Variants in SMURF1 observed in about 807,000 individuals in gnomAD.
SMURF1 encodes the protein E3 ubiquitin-protein ligase SMURF1.
A neutral mutation model predicts 98.0 loss-of-function variants in SMURF1; 44 were observed. That is an observed-to-expected ratio of 0.45 (90% CI 0.35 to 0.58). SMURF1 has a LOEUF of 0.58. SMURF1 is among the 20% of genes least tolerant of loss of function. The pLI is 0.00. For synonymous variants in SMURF1, 396 were observed against 374.9 expected, an observed-to-expected ratio of 1.06 and a Z score of -0.65; for missense variants, 687 against 938.4, an observed-to-expected ratio of 0.73 and a Z score of 3.50.
At chr7:99,109,870 T>C (rs1797282116) in intron 1 of SMURF1, among the ~76,000 whole-genome samples, 1 of 152,218 alleles carries the variant, frequency 6.6e-6, no homozygotes, top group African/African-American at 2.4e-5. Context: ...AATATCTCGC[T>C]TCATGGACAA....
chr7:99,108,164 G>C (rs1472246262), intron 1 of SMURF1, among the ~76,000 whole-genome samples: 1 of 152,116 alleles, frequency 6.6e-6, no homozygotes, highest in Non-Finnish European at 1.5e-5. Context: ...TTGCTGTGCA[G>C]AGCCTTAACA....
intron 1 of SMURF1, among the ~76,000 whole-genome samples, chr7:99,095,751 G>C: frequency 6.6e-6 from 1 of 152,212 alleles, no homozygotes; most frequent in East Asian, 1.9e-4. Context: ...GGGGGCCTGG[G>C]GGAGATGAGA....
intron 1 of SMURF1, among the ~76,000 whole-genome samples, chr7:99,068,858 T>A (rs1159832267): frequency 8.0e-6 from 1 of 125,168 alleles, no homozygotes. Context: ...AGACAATCCC[T>A]CTCTCCTTGC....
Position 99,042,581 on chromosome 7 carries a change from G to A in SMURF1, c.1257-349C>T, listed in dbSNP as rs60177733. ...TGAGCCACCACGCTCAGCCTAAGTT[G>A]TTATTTTCTGAATTTCTTTAATGTT... is the stretch of plus-strand genomic sequence containing the variant. On this transcript the variant is annotated intron_variant, in intron 11 of 17. Transcript: ENST00000361368. Among the ~76,000 whole-genome samples, 397 of 152,238 alleles carry A rather than the reference G, an allele frequency of 2.6e-3. 1 individual carries two copies. Among genetic ancestry groups the A allele is most frequent in the African/African-American group, 8.8e-3 (365 of 41,530 alleles).
intron 5 of SMURF1, among the ~76,000 whole-genome samples, chr7:99,055,560 C>T (rs1382524038): frequency 6.6e-6 from 1 of 152,054 alleles, no homozygotes; most frequent in African/African-American, 2.4e-5. Context: ...TGGCCTCAAA[C>T]TCCTGGGCTT....
At chr7:99,102,116 T>C (rs1446231525) in intron 1 of SMURF1, among the ~76,000 whole-genome samples, 1 of 152,146 alleles carries the variant, frequency 6.6e-6, no homozygotes, top group Non-Finnish European at 1.5e-5. Flanking sequence ...GATTACACAT[T>C]TTGATTCCAC....
At position 99,028,122 on chromosome 7, in the gene SMURF1, G is replaced by A; in HGVS notation, c.*2462C>T. 1 of 113,296 alleles carries A rather than the reference G, an allele frequency of 8.8e-6. No homozygotes were observed. Among genetic ancestry groups the A allele is most frequent in the African/African-American group, 3.4e-5 (1 of 29,080 alleles). The allele number at this position is 113,296 out of a possible 1,614,324, so 7.0% of individuals were successfully genotyped here. Reference sequence around the variant, plus strand: ...ATCTGGGCAGAGGGGCAGGGGGCATGGCTGGATCGCCTGGGACCACCGAGA... The same window carrying A: ...ATCTGGGCAGAGGGGCAGGGGGCATAGCTGGATCGCCTGGGACCACCGAGA... On this transcript the variant is annotated 3_prime_UTR_variant, in exon 18 of 18. Transcript: ENST00000361368.
intron 5 of SMURF1, among the ~76,000 whole-genome samples, chr7:99,056,017 T>A (rs1177888678): frequency 6.6e-6 from 1 of 152,242 alleles, no homozygotes; most frequent in Admixed American, 6.5e-5. Context: ...CTGCAAAGTC[T>A]AAGTGAATCT....
chr7:99,122,354 A>AG (rs1484818332), intron 1 of SMURF1, among the ~76,000 whole-genome samples: 1 of 145,722 alleles, frequency 6.9e-6, no homozygotes, highest in African/African-American at 2.6e-5. Flanking sequence ...AAGAAGAAGA[A>AG]AAAAAAAGGC....
At chr7:99,072,078 CTTT>C (rs1796337490) in intron 1 of SMURF1, among the ~76,000 whole-genome samples, 4 of 151,104 alleles carry the variant, frequency 2.6e-5, no homozygotes, top group Admixed American at 6.6e-5. Context: ...GATGCCGTCT[CTTT>C]AAAAGAATAA....
chr7:99,074,970 T>G (rs531811145), intron 1 of SMURF1, among the ~76,000 whole-genome samples: 1 of 152,222 alleles, frequency 6.6e-6, no homozygotes, highest in Non-Finnish European at 1.5e-5. Flanking sequence ...ATTGGTACAA[T>G]GCACAATGCA....
At chr7:99,123,911 G>A (rs992776155) in intron 1 of SMURF1, among the ~76,000 whole-genome samples, 1 of 152,160 alleles carries the variant, frequency 6.6e-6, no homozygotes, top group Non-Finnish European at 1.5e-5. Context: ...AACATGTGCT[G>A]GGCAACAGCT....
intron 3 of SMURF1, among the ~76,000 whole-genome samples, chr7:99,059,617 T>C (rs1795982898): frequency 6.6e-6 from 1 of 151,524 alleles, no homozygotes; most frequent in Admixed American, 6.6e-5. Flanking sequence ...GTCATAATAA[T>C]GAATTTTTTA....
intron 1 of SMURF1, among the ~76,000 whole-genome samples, chr7:99,092,304 T>C (rs1180013741): frequency 6.6e-6 from 1 of 152,202 alleles, no homozygotes; most frequent in Non-Finnish European, 1.5e-5. Flanking sequence ...ATATGGAAAC[T>C]GAGACAGACT....
intron 14 of SMURF1, among the ~76,000 whole-genome samples, chr7:99,037,911 A>G (rs1295685038): frequency 6.6e-6 from 1 of 152,228 alleles, no homozygotes; most frequent in Non-Finnish European, 1.5e-5. Context: ...AATGTGTAAA[A>G]GTACATTTGA....
intron 16 of SMURF1, among the ~76,000 whole-genome samples, chr7:99,034,735 T>C (rs540676618): frequency 1.3e-5 from 2 of 152,146 alleles, no homozygotes; most frequent in Non-Finnish European, 1.5e-5. Context: ...TTTTTATCCA[T>C]GCTGGGCCCC....
chr7:99,044,077 C>CA (rs1176945490), intron 11 of SMURF1, among the ~76,000 whole-genome samples: 2 of 152,124 alleles, frequency 1.3e-5, no homozygotes, highest in South Asian at 4.2e-4. Flanking sequence ...GGAGGGAAGC[C>CA]AAGGCGGGAG....
chr7:99,085,871 T>G (rs1362746052), intron 1 of SMURF1, among the ~76,000 whole-genome samples: 1 of 152,232 alleles, frequency 6.6e-6, no homozygotes, highest in East Asian at 1.9e-4. Context: ...CAGATTGACT[T>G]CTTTCACTTA....
intron 1 of SMURF1, among the ~76,000 whole-genome samples, chr7:99,139,687 C>T (rs1334434485): frequency 6.6e-6 from 1 of 152,108 alleles, no homozygotes; most frequent in Non-Finnish European, 1.5e-5. Context: ...TGCTCTTTAA[C>T]AAAAGATCAC....
Sources: gnomAD v4.1 joint callset for allele counts (sites outside exome capture counted in the v4.1 genomes callset) on GRCh38, gnomAD v4.1.1 for gene constraint, MANE v1.5 for transcripts, NCBI Gene and HGNC (gene_info 2026-07-23, HGNC 2026-07-21) for gene names.